STING1: variants seen among roughly 807,000 people sequenced by gnomAD.
The protein encoded by STING1 is stimulator of interferon genes protein.
A neutral mutation model predicts 31.6 loss-of-function variants in STING1; 19 were observed. The ratio of observed to expected loss-of-function variants is 0.60; its 90% CI spans 0.42 to 0.88. The LOEUF (loss-of-function observed/expected upper bound fraction) is 0.88. STING1 is among the 40% of genes least tolerant of loss of function. The probability of loss-of-function intolerance (pLI) is 0.00; values close to 1 mark genes in which losing one functional copy is unlikely to be tolerated. For missense variants in STING1, 371 were observed against 483.7 expected (o/e 0.77, Z 2.19); for synonymous variants, 200 against 208.6 (o/e 0.96, Z 0.35).
chr5:139,477,001 C>T (rs1032235549), intron 7 of STING1, among the ~76,000 whole-genome samples: 1 of 152,006 alleles, frequency 6.6e-6, no homozygotes, highest in African/African-American at 2.4e-5. Context: ...TGCCCGAGGT[C>T]ACACAGTGAG....
At position 139,481,382 on chromosome 5, in the gene STING1, C is replaced by T. The variant is rs1561484511; in HGVS notation, c.228-40G>A. 6.3e-7 allele frequency: 1 copy of T among 1,579,600 alleles called. No homozygotes were observed. The highest frequency in any genetic ancestry group is 1.2e-5 in the South Asian group (1 of 84,136). ...CAGACCCCAGACCCCAGCCCCCAGCCCAGCTCAGCCAGAGAGGTTCAAGGA... is the reference window on the plus strand; with the variant it reads ...CAGACCCCAGACCCCAGCCCCCAGCTCAGCTCAGCCAGAGAGGTTCAAGGA... On this transcript the variant is annotated intron_variant, in intron 3 of 7. Coordinates refer to ENST00000330794, the MANE Select transcript of STING1 (RefSeq NM_198282.4). The surrounding 1 kb of genome is among the most constrained non-coding windows in gnomAD (Gnocchi z 4.1).
At chr5:139,478,206 C>G in intron 6 of STING1, 64 bp downstream of exon 6, 1 of 1,292,264 alleles carries the variant, frequency 7.7e-7, no homozygotes, top group Admixed American at 1.8e-5. Context: ...CAGTGCTTGG[C>G]TAGGGCCCAG....
rs186425823 is a variant in STING1 at position 139,481,779 on chromosome 5, C to G, written c.1-75G>C. On this transcript the variant is annotated intron_variant, in intron 2 of 7. Transcript: ENST00000330794. This position sits in a 1 kb window ranked among gnomAD's most constrained non-coding sequence, Gnocchi z 4.1. Reference sequence around the variant, plus strand: ...TTCTGGGACTGAGGCTCTGGCTGGGCACTTCCTCCCAGTTCCCCTTTCCCT... The same window carrying G: ...TTCTGGGACTGAGGCTCTGGCTGGGGACTTCCTCCCAGTTCCCCTTTCCCT... The G allele has an allele frequency of 9.5e-6, 12 of 1,258,724 alleles. No homozygotes were observed. Among genetic ancestry groups the G allele is most frequent in the African/African-American group, 8.9e-5 (6 of 67,752 alleles). 78.0% of individuals were successfully genotyped at this position (1,258,724 alleles called of 1,614,324 possible).
chr5:139,481,061 C>T lies in STING1; in HGVS notation c.411+98G>A. 1 of 1,347,902 alleles carries T rather than the reference C, an allele frequency of 7.4e-7. No individual in the cohort carries two copies. Among genetic ancestry groups the T allele is most frequent in the East Asian group, 2.3e-5 (1 of 43,568 alleles). 83.5% of individuals were successfully genotyped at this position (1,347,902 alleles called of 1,614,324 possible). ...ATAGGTTCTACTCCATGGACTCCAG[C>T]CTTTAAACCAGTCCCACTCCCAGTA... On this transcript the variant is annotated intron_variant, in intron 4 of 7. Coordinates refer to ENST00000330794, the MANE Select transcript of STING1 (RefSeq NM_198282.4). This position sits in a 1 kb window ranked among gnomAD's most constrained non-coding sequence, Gnocchi z 4.1.
intron 4 of STING1, 88 bp from the exon 5 acceptor site, chr5:139,480,986 C>T: frequency 1.6e-6 from 2 of 1,228,184 alleles, no homozygotes. Context: ...CAACCTGCTC[C>T]TGACTTGATC....
chr5:139,478,691 C>T (rs1213667994), intron 5 of STING1, 183 bp from the exon 6 acceptor site: 2 of 614,932 alleles, frequency 3.3e-6, no homozygotes, highest in African/African-American at 1.8e-5. Context: ...CACCCCTCCT[C>T]TTACTGCACC....
At chr5:139,478,568 A>G in intron 5 of STING1, 60 bp from the exon 6 acceptor site, 3 of 1,451,022 alleles carry the variant, frequency 2.1e-6, no homozygotes, top group Non-Finnish European at 2.9e-6. Context: ...CTGATTCAGG[A>G]GTGAGACCCA....
chr5:139,481,656 C>G lies in STING1; in HGVS notation c.49G>C (p.Gly17Arg), dbSNP rs759944012. 8 of 1,611,146 alleles carry G rather than the reference C, an allele frequency of 5.0e-6. No homozygotes were observed. Among genetic ancestry groups the G allele is most frequent in the Non-Finnish European group, 6.8e-6 (8 of 1,178,158 alleles). Residue 17 changes from glycine to arginine, a missense_variant, in exon 3 of 8, where the codon GGG (glycine) becomes CGG (arginine). Coordinates refer to ENST00000330794, the MANE Select transcript of STING1 (RefSeq NM_198282.4). The surrounding 1 kb of genome is among the most constrained non-coding windows in gnomAD (Gnocchi z 4.1). ...HPSIPCPRGH[G>R]AQKAALVLLS... ...AGAACCAAGGCTGCCTTCTGGGCCC[C>G]GTGACCCCTGGGACACGGGATGGAT...
Position 139,482,725 on chromosome 5 carries a change from AGT to A in STING1, c.-271_-270del, listed in dbSNP as rs1320814843. 1 of 152,222 alleles carries A rather than the reference AGT, an allele frequency of 6.6e-6. No homozygotes were observed. The highest frequency in any genetic ancestry group is 1.5e-5 in the Non-Finnish European group (1 of 68,060). 9.4% of individuals were successfully genotyped at this position (152,222 alleles called of 1,614,324 possible). ...CAGGATGCAGATTCTTTTTCTGAAA[AGT>A]GTGACCTAGGAGGGAGGAGTGAAAA... On this transcript the variant is annotated 5_prime_UTR_variant, in exon 1 of 8. Coordinates refer to ENST00000330794, the MANE Select transcript of STING1 (RefSeq NM_198282.4).
Position 139,481,579 on chromosome 5 carries a change from G to A in STING1, c.126C>T (p.His42=). 6.2e-7 allele frequency: 1 copy of A among 1,613,840 alleles called. No individual in the cohort carries two copies. The change falls in exon 3 of 8, where the codon CAC becomes CAT. Residue 42 remains histidine, a synonymous_variant. Transcript: ENST00000330794. This position sits in a 1 kb window ranked among gnomAD's most constrained non-coding sequence, Gnocchi z 4.1. ...TLWGLGEPPE[H]TLRYLVLHLA... ...GGTGGAGCACCAGGTACCGGAGAGT[G>A]TGCTCTGGTGGCTCTCCTAGCCCCC...
Position 139,476,238 on chromosome 5 carries a change from CTCTGG to C in STING1, c.*18_*22del. The C allele has an allele frequency of 6.5e-7, 1 of 1,549,646 alleles. No individual in the cohort carries two copies. Among genetic ancestry groups the C allele is most frequent in the Non-Finnish European group, 8.7e-7 (1 of 1,145,560 alleles). ...CCAGAGGCTTGGAGACCACTGGAGG[CTCTGG>C]CCTGGTGACCCTGGGTCTCAAGAGA... On this transcript the variant is annotated 3_prime_UTR_variant, in exon 8 of 8. Transcript: ENST00000330794.
rs772018436 is a variant in STING1 at position 139,476,430 on chromosome 5, G to A, written c.971C>T (p.Ser324Leu). ...YQEPADDSSF[S>L]LSQEVLRHLR... Reference sequence around the variant, plus strand: ...GTGCCGGAGAACCTCCTGGGACAGCGAGAAGCTGCTGTCATCTGCAGGTTC... The same window carrying A: ...GTGCCGGAGAACCTCCTGGGACAGCAAGAAGCTGCTGTCATCTGCAGGTTC... Residue 324 changes from serine to leucine, a missense_variant, in exon 8 of 8, where the codon TCG becomes TTG. Coordinates refer to ENST00000330794, the MANE Select transcript of STING1 (RefSeq NM_198282.4). The A allele has an allele frequency of 2.5e-5, 40 of 1,612,262 alleles. No individual in the cohort carries two copies. The highest frequency in any genetic ancestry group is 1.4e-5 in the Non-Finnish European group (17 of 1,179,986).
chr5:139,481,995 C>T lies in STING1; in HGVS notation c.-1+215G>A. ...AAGAAGGCAGCAACTATCCCAGACC[C>T]AGACTTGAAGCTGTCCTGTGCAGCC... On this transcript the variant is annotated intron_variant, in intron 2 of 7. Coordinates refer to ENST00000330794, the MANE Select transcript of STING1 (RefSeq NM_198282.4). The surrounding 1 kb of genome is among the most constrained non-coding windows in gnomAD (Gnocchi z 4.1). The T allele has an allele frequency of 2.6e-6, 1 of 382,368 alleles. No individual in the cohort carries two copies. Among genetic ancestry groups the T allele is most frequent in the Non-Finnish European group, 4.8e-6 (1 of 208,988 alleles). 23.7% of individuals were successfully genotyped at this position (382,368 alleles called of 1,614,324 possible). A position where few individuals can be genotyped will look rare whatever the true frequency, so the allele number is the denominator to read the frequency against.
In STING1 at chr5:139,481,991, G is replaced by T. The variant is rs1473582694; in HGVS notation, c.-1+219C>A. 5 of 393,346 alleles carry T rather than the reference G, an allele frequency of 1.3e-5. No individual in the cohort carries two copies. The highest frequency in any genetic ancestry group is 4.1e-5 in the Admixed American group (1 of 24,458). 24.4% of individuals were successfully genotyped at this position (393,346 alleles called of 1,614,324 possible). A position where few individuals can be genotyped will look rare whatever the true frequency, so the allele number is the denominator to read the frequency against. On this transcript the variant is annotated intron_variant, in intron 2 of 7. Transcript: ENST00000330794. The surrounding 1 kb of genome is among the most constrained non-coding windows in gnomAD (Gnocchi z 4.1). The stretch of plus-strand genomic sequence containing the variant: ...AAGAAAGAAGGCAGCAACTATCCCA[G>T]ACCCAGACTTGAAGCTGTCCTGTGC...
In STING1 at chr5:139,475,609, C is replaced by G. The variant is rs1751630928; in HGVS notation, c.*652G>C. 1 of 152,180 alleles carries G rather than the reference C, an allele frequency of 6.6e-6. No homozygotes were observed. Among genetic ancestry groups the G allele is most frequent in the African/African-American group, 2.4e-5 (1 of 41,418 alleles). The allele number at this position is 152,180 out of a possible 1,614,324, so 9.4% of individuals were successfully genotyped here. A position where few individuals can be genotyped will look rare whatever the true frequency, so the allele number is the denominator to read the frequency against. ...AGGAAACCGCAAGTGAGAGGGAGTA[C>G]TCTAGTGGGGTGGGGGTGCCGATAC... On this transcript the variant is annotated 3_prime_UTR_variant, in exon 8 of 8. Transcript: ENST00000330794.
At chr5:139,479,757 C>T (rs1751779227) in intron 5 of STING1, among the ~76,000 whole-genome samples, 1 of 143,136 alleles carries the variant, frequency 7.0e-6, no homozygotes, top group South Asian at 2.2e-4. Flanking sequence ...AATCCCAGCA[C>T]TTTGGGAGGC....
chr5:139,476,274 G>T lies in STING1; in HGVS notation c.1127C>A (p.Thr376Lys), dbSNP rs370381358. The change falls in exon 8 of 8, where the codon ACG becomes AAG. Residue 376 changes from threonine (T) to lysine (K), a missense_variant. Thr to Lys is a moderately conservative substitution (Grantham distance 78). Coordinates refer to ENST00000330794, the MANE Select transcript of STING1 (RefSeq NM_198282.4). The part of the protein sequence containing the change: ...SGMEKPLPLR[T>K]DFS ...TGACCCTGGGTCTCAAGAGAAATCC[G>T]TGCGGAGAGGGAGGGGCTTTTCCAT... The T allele has an allele frequency of 2.5e-6, 4 of 1,586,194 alleles. No individual in the cohort carries two copies. The highest frequency in any genetic ancestry group is 3.4e-6 in the Non-Finnish European group (4 of 1,166,586).
At position 139,476,743 on chromosome 5, in the gene STING1, A is replaced by G. The variant is rs557849492; in HGVS notation, c.947-289T>C. Reference sequence around the variant, plus strand: ...AATATGATGAAACCCCGTCTCTACTAAAAATACAAAAATTAGCTGGGCATG... The same window carrying G: ...AATATGATGAAACCCCGTCTCTACTGAAAATACAAAAATTAGCTGGGCATG... On this transcript the variant is annotated intron_variant, in intron 7 of 7. Transcript: ENST00000330794. 9.2e-5 allele frequency among the ~76,000 whole-genome samples: 14 copies of G among 152,078 alleles called. No homozygotes were observed. In the South Asian group the frequency reaches 2.9e-3, roughly 32 times the overall value.
At position 139,478,326 on chromosome 5, in the gene STING1, T is replaced by G; in HGVS notation, c.703A>C (p.Ile235Leu). The G allele has an allele frequency of 6.2e-7, 1 of 1,614,140 alleles. No homozygotes were observed. Among genetic ancestry groups the G allele is most frequent in the Non-Finnish European group, 8.5e-7 (1 of 1,180,020 alleles). ...CTGTTGCTGTAAACCCGATCCTTGATGCCAGCATGGTCACCGGTCTGCTGG... is the reference window on the plus strand; with the variant it reads ...CTGTTGCTGTAAACCCGATCCTTGAGGCCAGCATGGTCACCGGTCTGCTGG... ...LPQQTGDHAG[I>L]KDRVYSNSIY... Residue 235 changes from isoleucine (I) to leucine (L), a missense_variant, in exon 6 of 8, where the codon ATC becomes CTC. By Grantham distance (5) the Ile-to-Leu change is conservative. Transcript: ENST00000330794.
Sources: gnomAD v4.1 joint callset for allele counts (sites outside exome capture counted in the v4.1 genomes callset) on GRCh38, gnomAD v4.1.1 for gene constraint, Gnocchi (gnomAD v3.1) non-coding constraint, MANE v1.5 for transcripts, NCBI Gene and HGNC (gene_info 2026-07-23, HGNC 2026-07-21) for gene names.